TJP2: variants seen among roughly 807,000 people sequenced by gnomAD.
TJP2 encodes Friedreich ataxia region gene X104 (tight junction protein ZO-2).
Under a neutral mutation model 133.1 loss-of-function variants are expected in TJP2, and 91 were observed. That is an observed-to-expected ratio of 0.68 (90% CI 0.58 to 0.81). The LOEUF (loss-of-function observed/expected upper bound fraction) is 0.81, where lower values mean the gene tolerates loss of function less well. Among genes scored for constraint, TJP2 ranks in the 40% least tolerant of loss-of-function variants. The pLI is 0.00. For missense variants in TJP2, 1,541 were observed against 1,565.6 expected (o/e 0.98, Z 0.26); for synonymous variants, 592 against 583.4 (o/e 1.01, Z -0.21).
intron 1 of TJP2, among the ~76,000 whole-genome samples, chr9:69,151,416 G>A (rs1326142453): frequency 6.7e-6 from 1 of 150,148 alleles, no homozygotes; most frequent in Non-Finnish European, 1.5e-5. Flanking sequence ...GCAGGCAGAG[G>A]TTGCGGTGAG....
chr9:69,129,429 T>C (rs1437929446), intron 1 of TJP2, among the ~76,000 whole-genome samples: 1 of 152,070 alleles, frequency 6.6e-6, no homozygotes, highest in Non-Finnish European at 1.5e-5. Flanking sequence ...GAGAATCCTT[T>C]TAGCCTGGGA....
chr9:69,147,872 A>G (rs1339927207), intron 1 of TJP2, among the ~76,000 whole-genome samples: 1 of 152,022 alleles, frequency 6.6e-6, no homozygotes, highest in African/African-American at 2.4e-5. Flanking sequence ...CCTTGTACCT[A>G]TAATACTCTT....
At chr9:69,137,243 C>T (rs1409276526) in intron 1 of TJP2, among the ~76,000 whole-genome samples, 993 of 43,764 alleles carry the variant, frequency 0.023, 25 homozygotes, top group African/African-American at 0.059. Context: ...CTTTCTTTCT[C>T]TCTCTCTTTC....
At chr9:69,192,917 TCAC>T (rs1431027981) in intron 1 of TJP2, among the ~76,000 whole-genome samples, 45 of 129,060 alleles carry the variant, frequency 3.5e-4, no homozygotes, top group African/African-American at 1.2e-3. Flanking sequence ...TCCTTCTCTC[TCAC>T]TTTTTTTTTT....
At chr9:69,192,521 G>T (rs553316277) in intron 1 of TJP2, among the ~76,000 whole-genome samples, 1 of 152,246 alleles carries the variant, frequency 6.6e-6, no homozygotes, top group Admixed American at 6.5e-5. Context: ...ATTCATCTTG[G>T]CAAATGCTGT....
At position 69,254,512 on chromosome 9, in the gene TJP2, G is replaced by A; in HGVS notation, c.*138G>A. The A allele has an allele frequency of 8.9e-7, 1 of 1,127,256 alleles. No individual in the cohort carries two copies. The highest frequency in any genetic ancestry group is 1.3e-6 in the Non-Finnish European group (1 of 771,178). 69.8% of individuals were successfully genotyped at this position (1,127,256 alleles called of 1,614,324 possible). A position where few individuals can be genotyped will look rare whatever the true frequency, so the allele number is the denominator to read the frequency against. On this transcript the variant is annotated 3_prime_UTR_variant, in exon 23 of 23. Coordinates refer to ENST00000377245, the MANE Select transcript of TJP2 (RefSeq NM_004817.4). ...GGACTCCAGCTCGTGTGTCCTCATG[G>A]AGAACCCAGGGGACAGCTGGTGCAA...
intron 2 of TJP2, among the ~76,000 whole-genome samples, chr9:69,212,997 AAG>A: frequency 2.2e-5 from 1 of 45,418 alleles, no homozygotes; most frequent in East Asian, 1.3e-3. Context: ...TGTAGCATCC[AAG>A]AGACTGTAAG....
intron 1 of TJP2, among the ~76,000 whole-genome samples, chr9:69,176,556 A>G (rs1025117110): frequency 2.0e-5 from 3 of 152,256 alleles, no homozygotes; most frequent in South Asian, 2.1e-4. Context: ...CTTTCCCTAC[A>G]AAAGAAGCGA....
intron 1 of TJP2, chr9:69,145,593 G>A (rs989473792): frequency 3.5e-6 from 2 of 577,544 alleles, no homozygotes; most frequent in African/African-American, 3.9e-5. Context: ...GATCTAGCTA[G>A]GGCTACATAG....
intron 18 of TJP2, among the ~76,000 whole-genome samples, chr9:69,247,658 G>A (rs558324111): frequency 5.9e-5 from 9 of 152,252 alleles, no homozygotes; most frequent in African/African-American, 1.2e-4. Flanking sequence ...ACAAGGCAGC[G>A]TGCAATGTGT....
At chr9:69,178,817 T>C (rs1305162862) in intron 1 of TJP2, among the ~76,000 whole-genome samples, 1 of 152,162 alleles carries the variant, frequency 6.6e-6, no homozygotes, top group East Asian at 1.9e-4. Context: ...GGGGAGGAAG[T>C]ATTTTGACAC....
Position 69,238,747 on chromosome 9 carries a change from T to G in TJP2, c.2313T>G (p.Thr771=). ...AAGATGCAGGATCTGAGAAATCCAC[T>G]GGAGTGGTCCGGTTAAATACCGTGA... The part of the protein sequence containing the change: ...EPKDAGSEKS[T]GVVRLNTVRQ... Residue 771 remains threonine, a synonymous_variant, in exon 16 of 23, where the codon ACT becomes ACG. Transcript: ENST00000377245. 3 of 1,614,066 alleles carry G rather than the reference T, an allele frequency of 1.9e-6. No individual in the cohort carries two copies. Among genetic ancestry groups the G allele is most frequent in the Non-Finnish European group, 1.7e-6 (2 of 1,179,952 alleles).
At chr9:69,194,602 A>G (rs1450306707) in intron 1 of TJP2, among the ~76,000 whole-genome samples, 1 of 152,164 alleles carries the variant, frequency 6.6e-6, no homozygotes, top group Non-Finnish European at 1.5e-5. Flanking sequence ...GCTAGTGGTT[A>G]CTGTGTTGGA....
intron 1 of TJP2, among the ~76,000 whole-genome samples, chr9:69,182,791 T>C (rs1427586274): frequency 6.7e-6 from 1 of 148,826 alleles, no homozygotes; most frequent in South Asian, 2.1e-4. Context: ...TGAATTTCTT[T>C]TTTTTTTTTT....
Position 69,174,335 on chromosome 9 carries a change from G to A in TJP2, c.-38G>A. 2 of 1,551,092 alleles carry A rather than the reference G, an allele frequency of 1.3e-6. No homozygotes were observed. The highest frequency in any genetic ancestry group is 1.2e-5 in the South Asian group (1 of 84,046). On this transcript the variant is annotated 5_prime_UTR_variant, in exon 1 of 23. Coordinates refer to ENST00000377245, the MANE Select transcript of TJP2 (RefSeq NM_004817.4). Reference sequence around the variant, plus strand: ...GAGCAGGAGCAGAAGCAGAAGCGGGGTCCGGAGCTGCGCGCCTACGCGGGA... The same window carrying A: ...GAGCAGGAGCAGAAGCAGAAGCGGGATCCGGAGCTGCGCGCCTACGCGGGA...
intron 1 of TJP2, among the ~76,000 whole-genome samples, chr9:69,185,881 C>CTTTTTTTT (rs34030534): frequency 7.4e-6 from 1 of 135,432 alleles, no homozygotes; most frequent in Non-Finnish European, 1.6e-5. Context: ...TAATGTAGTC[C>CTTTTTTTT]TTTTTTTTTT....
intron 1 of TJP2, among the ~76,000 whole-genome samples, chr9:69,191,742 T>A (rs1815609): frequency 0.48 from 70,198 of 147,156 alleles, 16,434 homozygotes; most frequent in South Asian, 0.53. Context: ...ATTTTTAAAA[T>A]TTTTTTTTTT....
chr9:69,200,730 A>G (rs996353756), intron 1 of TJP2, among the ~76,000 whole-genome samples: 6 of 152,048 alleles, frequency 3.9e-5, no homozygotes, highest in Non-Finnish European at 4.4e-5. Context: ...CTATAACCCC[A>G]CCACTCACCC....
intron 2 of TJP2, among the ~76,000 whole-genome samples, chr9:69,214,270 G>C (rs1828174545): frequency 6.6e-6 from 1 of 152,018 alleles, no homozygotes; most frequent in African/African-American, 2.4e-5. Flanking sequence ...ATTTTTAGTA[G>C]AGATGGGGTT....
Sources: allele counts gnomAD v4.1 joint callset (sites outside exome capture counted in the v4.1 genomes callset), GRCh38; gene constraint gnomAD v4.1.1; transcripts MANE v1.5; gene names NCBI Gene and HGNC (gene_info 2026-07-23, HGNC 2026-07-21).